KCNIP4: variants seen among roughly 807,000 people sequenced by gnomAD.
KCNIP4 encodes the protein Kv channel-interacting protein 4.
In KCNIP4, 12 loss-of-function variants were observed where a neutral mutation model predicts 34.0. That is an observed-to-expected ratio of 0.35 (90% CI 0.23 to 0.57). The LOEUF (loss-of-function observed/expected upper bound fraction) is 0.57. Ranked by LOEUF, KCNIP4 falls within the 20% of genes least tolerant of loss-of-function variation. The probability of loss-of-function intolerance (pLI) is 0.83; values close to 1 mark genes in which losing one functional copy is unlikely to be tolerated. For missense variants in KCNIP4, 238 were observed against 311.7 expected (o/e 0.76, Z 1.78); for synonymous variants, 124 against 102.2 (o/e 1.21, Z -1.29).
intron 1 of KCNIP4, among the ~76,000 whole-genome samples, chr4:21,084,295 G>A (rs887466775): frequency 3.3e-5 from 5 of 151,908 alleles, no homozygotes; most frequent in African/African-American, 1.2e-4. Flanking sequence ...TGCTCTCAGG[G>A]CGCAGTGACA....
intron 1 of KCNIP4, among the ~76,000 whole-genome samples, chr4:21,230,641 T>A (rs1364110577): frequency 6.6e-6 from 1 of 152,140 alleles, no homozygotes. Context: ...CCTGCATTAC[T>A]TTGCTGAGCA....
At chr4:21,835,346 T>C (rs563372802) in intron 1 of KCNIP4, among the ~76,000 whole-genome samples, 1 of 152,206 alleles carries the variant, frequency 6.6e-6, no homozygotes, top group African/African-American at 2.4e-5. Context: ...AAATTTTAAA[T>C]AGTCTATAAA....
intron 1 of KCNIP4, among the ~76,000 whole-genome samples, chr4:21,301,990 A>T (rs746695626): frequency 6.6e-6 from 1 of 152,150 alleles, no homozygotes; most frequent in Non-Finnish European, 1.5e-5. Flanking sequence ...ACTATTTATA[A>T]TTACTTCCTA....
Position 21,714,801 on chromosome 4 carries a change from T to A in KCNIP4, c.61+233770A>T, listed in dbSNP as rs529630166. Among the ~76,000 whole-genome samples the A allele has an allele frequency of 3.6e-3, 3 of 822 alleles. 1 individual carries two copies. Among genetic ancestry groups the A allele is most frequent in the South Asian group, 0.077 (2 of 26 alleles). 0.5% of individuals were successfully genotyped at this position (822 alleles called of 152,430 possible). A position where few individuals can be genotyped will look rare whatever the true frequency, so the allele number is the denominator to read the frequency against. ...TTTCCCTTTGATTATTTTATTTTAT[T>A]TTATTTTATTTTATTTTATTTTATT... On this transcript the variant is annotated intron_variant, in intron 1 of 8. Transcript: ENST00000382152.
chr4:21,028,238 C>G lies in KCNIP4; in HGVS notation c.62-145529G>C, dbSNP rs980372077. Among the ~76,000 whole-genome samples the G allele has an allele frequency of 2.0e-5, 3 of 152,184 alleles. 1 individual carries two copies. Among genetic ancestry groups the G allele is most frequent in the South Asian group, 2.1e-4 (1 of 4,820 alleles). ...TAGGCTGAATTTCTGTAATAGCTTC[C>G]TAGCACGTCTACTTGCTTCTATCCT... On this transcript the variant is annotated intron_variant, in intron 1 of 8. Coordinates refer to ENST00000382152, the MANE Select transcript of KCNIP4 (RefSeq NM_025221.6).
chr4:21,241,888 G>T (rs1463845659), intron 1 of KCNIP4, among the ~76,000 whole-genome samples: 1 of 152,008 alleles, frequency 6.6e-6, no homozygotes, highest in Admixed American at 6.6e-5. Flanking sequence ...ATGTTGGCCG[G>T]GCGTGGTGGC....
chr4:20,950,368 A>G (rs1732654355), intron 1 of KCNIP4, among the ~76,000 whole-genome samples: 1 of 152,006 alleles, frequency 6.6e-6, no homozygotes, highest in Non-Finnish European at 1.5e-5. Context: ...AAAGTGAAAA[A>G]CTTGCCGAGG....
Position 21,286,673 on chromosome 4 carries a change from G to A in KCNIP4, c.62-403964C>T, listed in dbSNP as rs568133615. 2.0e-5 allele frequency among the ~76,000 whole-genome samples: 3 copies of A among 152,256 alleles called. No individual in the cohort carries two copies. In the South Asian group the frequency reaches 6.2e-4, roughly 32 times the overall value. On this transcript the variant is annotated intron_variant, in intron 1 of 8. Coordinates refer to ENST00000382152, the MANE Select transcript of KCNIP4 (RefSeq NM_025221.6). The stretch of plus-strand genomic sequence containing the variant: ...AAGGGAGGTAACATTTATGACATAT[G>A]CTTGTGCTTTTCATCTGTTATTTAA...
At chr4:21,202,621 T>C (rs1195904195) in intron 1 of KCNIP4, among the ~76,000 whole-genome samples, 1 of 152,176 alleles carries the variant, frequency 6.6e-6, no homozygotes, top group African/African-American at 2.4e-5. Context: ...TGATTCTTTT[T>C]AAGCAATGTG....
intron 1 of KCNIP4, among the ~76,000 whole-genome samples, chr4:21,571,708 G>T (rs2109053448): frequency 6.6e-6 from 1 of 152,270 alleles, no homozygotes; most frequent in South Asian, 2.1e-4. Context: ...AGAGGAGGAA[G>T]GTGCCCAGGG....
chr4:20,745,867 C>T (rs1243339764), intron 5 of KCNIP4, among the ~76,000 whole-genome samples: 1 of 152,066 alleles, frequency 6.6e-6, no homozygotes, highest in Non-Finnish European at 1.5e-5. Context: ...CATGTAGTTG[C>T]CTTACTGGGT....
chr4:20,728,990 T>TTCTA lies in KCNIP4; in HGVS notation c.*1088_*1091dup, dbSNP rs1285232377. On this transcript the variant is annotated 3_prime_UTR_variant, in exon 9 of 9. Transcript: ENST00000382152. ...CTGGATTAGTTGTTGAGCACTTATT[T>TTCTA]TCTACTAAATCTTGGTAGTAGTTGT... 2 of 152,266 alleles carry TTCTA rather than the reference T, an allele frequency of 1.3e-5. No individual in the cohort carries two copies. Among genetic ancestry groups the TTCTA allele is most frequent in the Non-Finnish European group, 2.9e-5 (2 of 68,036 alleles). 9.4% of individuals were successfully genotyped at this position (152,266 alleles called of 1,614,324 possible).
chr4:21,422,784 A>G (rs921221973), intron 1 of KCNIP4, among the ~76,000 whole-genome samples: 3 of 152,132 alleles, frequency 2.0e-5, no homozygotes, highest in African/African-American at 7.2e-5. Context: ...AATGTAACAC[A>G]GTGCCACACG....
intron 1 of KCNIP4, among the ~76,000 whole-genome samples, chr4:21,105,175 A>G (rs1748392699): frequency 3.3e-5 from 5 of 151,546 alleles, no homozygotes; most frequent in Admixed American, 2.0e-4. Flanking sequence ...GAATCTATAA[A>G]TTACCTTGGG....
chr4:21,364,112 A>C (rs923455835), intron 1 of KCNIP4, among the ~76,000 whole-genome samples: 1 of 152,144 alleles, frequency 6.6e-6, no homozygotes, highest in African/African-American at 2.4e-5. Context: ...CTCATTGTTA[A>C]CACTTAATTT....
chr4:21,687,427 G>T (rs1196136645), intron 1 of KCNIP4, among the ~76,000 whole-genome samples: 1 of 152,042 alleles, frequency 6.6e-6, no homozygotes, highest in Non-Finnish European at 1.5e-5. Context: ...TAAAAGCACT[G>T]GTGTTGTTCA....
intron 1 of KCNIP4, among the ~76,000 whole-genome samples, chr4:21,501,318 A>C (rs1386491170): frequency 6.6e-6 from 1 of 151,790 alleles, no homozygotes; most frequent in Non-Finnish European, 1.5e-5. Flanking sequence ...AGGAATCCAC[A>C]AATAACTTGT....
chr4:21,478,137 T>A (rs1018975999), intron 1 of KCNIP4, among the ~76,000 whole-genome samples: 19 of 152,132 alleles, frequency 1.2e-4, no homozygotes, highest in African/African-American at 4.6e-4. Context: ...TTCTATTTGA[T>A]ATGTTTTGGA....
rs115420948 is a variant in KCNIP4, at chr4:21,098,667, T to G, written c.62-215958A>C. On this transcript the variant is annotated intron_variant, in intron 1 of 8. Coordinates refer to ENST00000382152, the MANE Select transcript of KCNIP4 (RefSeq NM_025221.6). ...ATTCTTTTCAAAATATTACTGCTTA[T>G]GGACAATACACCTGGTCATTCAAGA... Among the ~76,000 whole-genome samples, 382 of 152,312 alleles carry G rather than the reference T, an allele frequency of 2.5e-3. 3 individuals are homozygous for G. The highest frequency in any genetic ancestry group is 8.7e-3 in the African/African-American group (362 of 41,572).
Sources: allele counts gnomAD v4.1 joint callset (sites outside exome capture counted in the v4.1 genomes callset), GRCh38; gene constraint gnomAD v4.1.1; transcripts MANE v1.5; gene names NCBI Gene and HGNC (gene_info 2026-07-23, HGNC 2026-07-21).